ANK3: variants seen among roughly 807,000 people sequenced by gnomAD.
ANK3 encodes ankyrin 3.
ANK3 carries 57 observed loss-of-function variants against 370.9 expected under a neutral mutation model. The ratio of observed to expected loss-of-function variants is 0.15; its 90% confidence interval spans 0.12 to 0.19. The LOEUF is 0.19. ANK3 is among the 10% of genes least tolerant of loss of function. The pLI is 1.00. For synonymous variants in ANK3, 1,929 were observed against 1,946.3 expected, an observed-to-expected ratio of 0.99 and a Z score of 0.23; for missense variants, 4,439 against 5,302.1, an observed-to-expected ratio of 0.84 and a Z score of 5.06.
intron 7 of ANK3, among the ~76,000 whole-genome samples, chr10:60,259,681 CTT>C (rs1044103057): frequency 1.3e-5 from 2 of 152,294 alleles, no homozygotes; most frequent in African/African-American, 2.4e-5. Flanking sequence ...CTCTAATCCT[CTT>C]GTTTTTAGCA....
chr10:60,278,961 A>G, intron 3 of ANK3, 89 bp from the exon 4 acceptor site: 3 of 1,562,932 alleles, frequency 1.9e-6, no homozygotes, highest in African/African-American at 2.7e-5. Flanking sequence ...CAAATATCTT[A>G]TGAGATATGT....
intron 2 of ANK3, among the ~76,000 whole-genome samples, chr10:60,612,146 G>T (rs2078209808): frequency 6.6e-6 from 1 of 152,154 alleles, no homozygotes; most frequent in Non-Finnish European, 1.5e-5. Flanking sequence ...CAGACATTTT[G>T]CTGGCAAAGA....
At chr10:60,731,494 A>T (rs6479729) in intron 1 of ANK3, among the ~76,000 whole-genome samples, 44,430 of 152,134 alleles carry the variant, frequency 0.29, 7,057 homozygotes, top group South Asian at 0.47. Context: ...ATCTAACTAC[A>T]GTCCAAATTC....
chr10:60,412,883 A>G (rs1378363813), intron 2 of ANK3, among the ~76,000 whole-genome samples: 1 of 152,244 alleles, frequency 6.6e-6, no homozygotes, highest in Non-Finnish European at 1.5e-5. Flanking sequence ...TTGAGGACAG[A>G]GTGCACACCT....
At chr10:60,732,640 T>G (rs555291047) in intron 1 of ANK3, among the ~76,000 whole-genome samples, 3 of 152,180 alleles carry the variant, frequency 2.0e-5, no homozygotes, top group Non-Finnish European at 4.4e-5. Context: ...CTATGAAGTA[T>G]GTTCTATACT....
At chr10:60,502,234 A>G (rs531809933) in intron 2 of ANK3, among the ~76,000 whole-genome samples, 1 of 152,224 alleles carries the variant, frequency 6.6e-6, no homozygotes, top group African/African-American at 2.4e-5. Context: ...TGTAGCAGCA[A>G]CTCTTGGGCC....
At position 60,166,858 on chromosome 10, in the gene ANK3, C is replaced by A; in HGVS notation, c.2517G>T (p.Thr839=). The change falls in exon 22 of 44, where the codon ACG becomes ACT. Residue 839 remains threonine, a synonymous_variant. Coordinates refer to ENST00000280772, the MANE Select transcript of ANK3 (RefSeq NM_020987.5). ...CAGACATATCAAGAACTTCATTCATCGTTTCTGGAACATTCATTTTGTGCT... is the reference window on the plus strand; with the variant it reads ...CAGACATATCAAGAACTTCATTCATAGTTTCTGGAACATTCATTTTGTGCT... ...TEKHKMNVPE[T]MNEVLDMSDD... is the part of the protein sequence containing the mutation. 1 of 1,613,946 alleles carries A rather than the reference C, an allele frequency of 6.2e-7. No individual in the cohort carries two copies. The highest frequency in any genetic ancestry group is 8.5e-7 in the Non-Finnish European group (1 of 1,179,938).
At position 60,544,144 on chromosome 10, in the gene ANK3, G is replaced by A. The variant is rs549151377; in HGVS notation, c.96+71042C>T. 1.6e-4 allele frequency among the ~76,000 whole-genome samples: 25 copies of A among 152,086 alleles called. No individual in the cohort carries two copies. The South Asian group carries it at 3.5e-3, about 21-fold the overall frequency. ...CAAAATGTACTGTATAGAAAACACC[G>A]TCCAGAAGGCAACCCAGAGAAGGGG... On this transcript the variant is annotated intron_variant, in intron 2 of 43. Coordinates refer to the ANK3 transcript ENST00000373827.
chr10:60,220,032 T>C (rs1413827674), intron 8 of ANK3, among the ~76,000 whole-genome samples: 1 of 151,086 alleles, frequency 6.6e-6, no homozygotes, highest in Non-Finnish European at 1.5e-5. Context: ...GAAAACAGCA[T>C]TTTACTATTA....
At chr10:60,582,036 T>C (rs771320511) in intron 2 of ANK3, among the ~76,000 whole-genome samples, 33 of 151,798 alleles carry the variant, frequency 2.2e-4, no homozygotes, top group Non-Finnish European at 8.8e-5. Context: ...AAACCAAACA[T>C]GGCATATTCT....
intron 2 of ANK3, among the ~76,000 whole-genome samples, chr10:60,434,406 T>C (rs7080392): frequency 0.035 from 5,273 of 152,288 alleles, 309 homozygotes; most frequent in African/African-American, 0.12. Context: ...ATAGAGTACA[T>C]GAAGTCACTA....
At chr10:60,049,262 T>A (rs1444423062) in intron 42 of ANK3, among the ~76,000 whole-genome samples, 1 of 152,206 alleles carries the variant, frequency 6.6e-6, no homozygotes, top group Non-Finnish European at 1.5e-5. Flanking sequence ...CTCTGATGAC[T>A]TCACTCAATC....
intron 2 of ANK3, among the ~76,000 whole-genome samples, chr10:60,460,330 C>G (rs939494562): frequency 6.6e-6 from 1 of 152,086 alleles, no homozygotes; most frequent in Non-Finnish European, 1.5e-5. Flanking sequence ...TTTAGGAAAG[C>G]AAGAATCATT....
chr10:60,220,082 G>A (rs970280174), intron 8 of ANK3, among the ~76,000 whole-genome samples: 1 of 152,102 alleles, frequency 6.6e-6, no homozygotes, highest in Non-Finnish European at 1.5e-5. Context: ...ATGTCCAAAT[G>A]TCTACTTCAT....
In ANK3 at chr10:60,063,238, C is replaced by T. The variant is rs755073354; in HGVS notation, c.12468G>A (p.Ser4156=). Residue 4156 remains serine, a synonymous_variant, in exon 40 of 44, where the codon TCG becomes TCA. Coordinates refer to ENST00000280772, the MANE Select transcript of ANK3 (RefSeq NM_020987.5). Reference sequence around the variant, plus strand: ...CTATTCGATTAATTTTTGTCAAGACCGAAGTTAAGGCATCAGCTGAAAAGG... The same window carrying T: ...CTATTCGATTAATTTTTGTCAAGACTGAAGTTAAGGCATCAGCTGAAAAGG... ...GKNATTDALT[S]VLTKINRIDI... is the part of the protein sequence containing the mutation. 39 of 1,604,886 alleles carry T rather than the reference C, an allele frequency of 2.4e-5. No individual in the cohort carries two copies. The highest frequency in any genetic ancestry group is 1.6e-4 in the African/African-American group (12 of 74,494).
At chr10:60,615,172 A>G (rs2078251255) in intron 2 of ANK3, 1 of 1,486,876 alleles carries the variant, frequency 6.7e-7, no homozygotes, top group East Asian at 2.5e-5. Context: ...GAGTTTAGTG[A>G]TAATTTTCAT....
chr10:60,250,960 T>C (rs1460074172), intron 7 of ANK3, among the ~76,000 whole-genome samples: 1 of 152,216 alleles, frequency 6.6e-6, no homozygotes, highest in Non-Finnish European at 1.5e-5. Context: ...ACATTGCCTT[T>C]GATGTTACAA....
rs1279813308 is a variant in ANK3, at chr10:60,696,000, G to A, written c.57+37263C>T. Among the ~76,000 whole-genome samples, 450 of 150,502 alleles carry A rather than the reference G, an allele frequency of 3.0e-3. 1 individual carries two copies. The highest frequency in any genetic ancestry group is 0.011 in the African/African-American group (433 of 40,790). On this transcript the variant is annotated intron_variant, in intron 1 of 43. Transcript: ENST00000373827. ...AAAGGATCAACAAAATTGATAGACC[G>A]CTAGCAAGACTAATAAAGAAAAAAA...
intron 25 of ANK3, among the ~76,000 whole-genome samples, chr10:60,118,707 G>A (rs1278567376): frequency 1.3e-5 from 2 of 151,994 alleles, no homozygotes; most frequent in African/African-American, 2.4e-5. Context: ...CCTACACTGG[G>A]GAGCCTAAGG....
Sources: allele counts gnomAD v4.1 joint callset (sites outside exome capture counted in the v4.1 genomes callset), GRCh38; gene constraint gnomAD v4.1.1; transcripts MANE v1.5; gene names NCBI Gene and HGNC (gene_info 2026-07-23, HGNC 2026-07-21).